Variants in GAD1 observed in about 807,000 individuals in gnomAD.
GAD1 encodes 67 kDa glutamic acid decarboxylase.
GAD1 carries 35 observed loss-of-function variants against 75.2 expected under a neutral mutation model. That is an observed-to-expected ratio of 0.47 (90% CI 0.36 to 0.62). The LOEUF (loss-of-function observed/expected upper bound fraction) is 0.62, where lower values mean the gene tolerates loss of function less well. Among genes scored for constraint, GAD1 ranks in the 20% least tolerant of loss-of-function variants. The pLI, the probability that GAD1 is intolerant of heterozygous loss-of-function variation, is 0.00. For missense variants in GAD1, 490 were observed against 758.5 expected (o/e 0.65, Z 4.16); for synonymous variants, 257 against 271.9 (o/e 0.95, Z 0.54).
rs183268131 is a variant in GAD1 at position 170,821,840 on chromosome 2, G to T, written c.83-247G>T. 5.1e-4 allele frequency: 274 copies of T among 536,538 alleles called. 2 individuals carry two copies. Among genetic ancestry groups the T allele is most frequent in the East Asian group, 3.2e-5 (1 of 31,094 alleles). The allele number at this position is 536,538 out of a possible 1,614,324, so 33.2% of individuals were successfully genotyped here. A position where few individuals can be genotyped will look rare whatever the true frequency, so the allele number is the denominator to read the frequency against. ...TCGCTTACGGGCCCGGAGGGGCGCC[G>T]GGTGCCCCGCCTCTCAGAGACACCG... is the stretch of plus-strand genomic sequence containing the variant. On this transcript the variant is annotated intron_variant, in intron 2 of 16. Coordinates refer to ENST00000358196, the MANE Select transcript of GAD1 (RefSeq NM_000817.3).
intron 7 of GAD1, among the ~76,000 whole-genome samples, chr2:170,844,701 T>C (rs1702594989): frequency 6.6e-6 from 1 of 152,212 alleles, no homozygotes; most frequent in African/African-American, 2.4e-5. Flanking sequence ...TCAGCCAAAA[T>C]AGTATATCTA....
rs200092679 is a variant in GAD1 at position 170,829,580 on chromosome 2, G to A, written c.251G>A (p.Arg84Gln). Reference protein sequence around the residue: ...KNLLSCENSDRDARFRRTETD... With the variant: ...KNLLSCENSDQDARFRRTETD... Reference sequence around the variant, plus strand: ...CTGCTTTCCTGTGAAAACAGCGACCGGGATGCCCGCTTCCGGCGCACAGAG... The same window carrying A: ...CTGCTTTCCTGTGAAAACAGCGACCAGGATGCCCGCTTCCGGCGCACAGAG... Residue 84 changes from arginine to glutamine, a missense_variant, in exon 4 of 17, where the codon CGG becomes CAG. Physicochemically the swap from Arg to Gln is conservative, Grantham distance 43 (BLOSUM62 1). Around this residue, in one of 3 missense-constraint regions of GAD1, gnomAD observed 165 missense variants for 216.4 expected, o/e 0.76. Coordinates refer to ENST00000358196, the MANE Select transcript of GAD1 (RefSeq NM_000817.3). 2.0e-5 allele frequency: 33 copies of A among 1,613,864 alleles called. No individual in the cohort carries two copies. The African/African-American group carries it at 2.5e-4, about 12-fold the overall frequency.
chr2:170,851,455 T>G (rs1702741980), intron 12 of GAD1, among the ~76,000 whole-genome samples: 2 of 152,232 alleles, frequency 1.3e-5, no homozygotes, highest in African/African-American at 2.4e-5. Flanking sequence ...TATTATACAC[T>G]GAAGGGAAAA....
chr2:170,840,593 C>T (rs1184769716), intron 6 of GAD1, among the ~76,000 whole-genome samples: 1 of 137,264 alleles, frequency 7.3e-6, no homozygotes, highest in Non-Finnish European at 1.5e-5. Context: ...CTCCGGTGTT[C>T]CAGAACTCAG....
chr2:170,847,235 T>C (rs1241258407), intron 10 of GAD1, among the ~76,000 whole-genome samples: 1 of 152,222 alleles, frequency 6.6e-6, no homozygotes, highest in East Asian at 1.9e-4. Flanking sequence ...AAAAGAATGA[T>C]GCACAGGTGA....
chr2:170,844,307 C>T (rs570691657), intron 7 of GAD1, 150 bp downstream of exon 7: 1 of 626,410 alleles, frequency 1.6e-6, no homozygotes, highest in South Asian at 1.7e-5. Flanking sequence ...AAAAATGCTA[C>T]ATTCTATATG....
At chr2:170,854,856 A>G (rs1702819898) in intron 14 of GAD1, among the ~76,000 whole-genome samples, 2 of 152,232 alleles carry the variant, frequency 1.3e-5, no homozygotes, top group African/African-American at 4.8e-5. Context: ...AGATGGTAGC[A>G]TGCTGTGTCT....
At chr2:170,833,825 C>G (rs1454520014) in intron 5 of GAD1, among the ~76,000 whole-genome samples, 3 of 152,114 alleles carry the variant, frequency 2.0e-5, no homozygotes, top group Admixed American at 1.3e-4. Context: ...CTGGGCAAAA[C>G]CCCATCTCTA....
At chr2:170,846,874 G>T (rs1024036418) in intron 10 of GAD1, among the ~76,000 whole-genome samples, 5 of 152,102 alleles carry the variant, frequency 3.3e-5, no homozygotes, top group African/African-American at 1.2e-4. Context: ...CAGGTGTGGT[G>T]GTGCACGCCT....
At chr2:170,833,401 C>A (rs1216641911) in intron 5 of GAD1, among the ~76,000 whole-genome samples, 1 of 152,214 alleles carries the variant, frequency 6.6e-6, no homozygotes, top group Non-Finnish European at 1.5e-5. Flanking sequence ...TAAAGAAAAG[C>A]ACTCTATCAA....
rs751408796 is a variant in GAD1, at chr2:170,845,639, T to C, written c.867+18T>C. The C allele has an allele frequency of 2.1e-5, 34 of 1,613,334 alleles. No homozygotes were observed. The highest frequency in any genetic ancestry group is 2.9e-5 in the Non-Finnish European group (34 of 1,179,282). On this transcript the variant is annotated intron_variant, in intron 8 of 16. Transcript: ENST00000358196. Reference sequence around the variant, plus strand: ...CAGAACAGGTGAGTCGGGGATGCTTTCTCATGGATAGTGGTGTTTTTTAGG... The same window carrying C: ...CAGAACAGGTGAGTCGGGGATGCTTCCTCATGGATAGTGGTGTTTTTTAGG...
intron 11 of GAD1, among the ~76,000 whole-genome samples, chr2:170,848,454 G>T (rs559605453): frequency 6.9e-6 from 1 of 145,394 alleles, no homozygotes; most frequent in Admixed American, 7.1e-5. Context: ...CTGGGATCAC[G>T]CCACATCACT....
chr2:170,848,747 A>G, intron 11 of GAD1: 1 of 519,014 alleles, frequency 1.9e-6, no homozygotes, highest in Non-Finnish European at 3.8e-6. Flanking sequence ...ATGACTAACA[A>G]AGGCTGTGTC....
intron 12 of GAD1, among the ~76,000 whole-genome samples, chr2:170,851,216 T>G (rs909618383): frequency 1.3e-5 from 2 of 152,222 alleles, no homozygotes; most frequent in South Asian, 2.1e-4. Context: ...TTTCCTTTTG[T>G]AGCAGCAAAG....
intron 12 of GAD1, among the ~76,000 whole-genome samples, chr2:170,851,577 G>T (rs749136053): frequency 3.9e-5 from 6 of 152,150 alleles, no homozygotes; most frequent in Non-Finnish European, 7.4e-5. Flanking sequence ...TTCACAACAA[G>T]GGTTTAGCTC....
intron 2 of GAD1, among the ~76,000 whole-genome samples, chr2:170,819,238 G>T (rs1206216398): frequency 6.6e-6 from 1 of 152,068 alleles, no homozygotes; most frequent in Admixed American, 6.5e-5. Flanking sequence ...CGGGAAAGGT[G>T]CATAAAACTG....
chr2:170,818,739 A>G lies in GAD1; in HGVS notation c.82+66A>G. The stretch of plus-strand genomic sequence containing the variant: ...AAGATGGGGGCGCTGGGACGTCGGG[A>G]GGCTGAGCTGGCGGAAAGGGAAGGG... On this transcript the variant is annotated intron_variant, in intron 2 of 16. Transcript: ENST00000358196. This position sits in a 1 kb window ranked among gnomAD's most constrained non-coding sequence, Gnocchi z 5.9. The G allele has an allele frequency of 2.0e-6, 3 of 1,492,028 alleles. No homozygotes were observed. The highest frequency in any genetic ancestry group is 1.7e-4 in the Middle Eastern group (1 of 5,840). The allele number at this position is 1,492,028 out of a possible 1,614,324, so 92.4% of individuals were successfully genotyped here. A position where few individuals can be genotyped will look rare whatever the true frequency, so the allele number is the denominator to read the frequency against.
chr2:170,829,597 C>G lies in GAD1; in HGVS notation c.268C>G (p.Arg90Gly). The change falls in exon 4 of 17, where the codon CGC (arginine) becomes GGC (glycine). Residue 90 changes from arginine (R) to glycine (G), a missense_variant. By Grantham distance (125) the Arg-to-Gly change is moderately radical (BLOSUM62 -2). Around this residue, in one of 3 missense-constraint regions of GAD1, gnomAD observed 165 missense variants for 216.4 expected, o/e 0.76. Coordinates refer to ENST00000358196, the MANE Select transcript of GAD1 (RefSeq NM_000817.3). ...CAGCGACCGGGATGCCCGCTTCCGGCGCACAGAGACTGACTTCTCTAATCT... is the reference window on the plus strand; with the variant it reads ...CAGCGACCGGGATGCCCGCTTCCGGGGCACAGAGACTGACTTCTCTAATCT... ...ENSDRDARFR[R>G]TETDFSNLFA... 2 of 1,613,658 alleles carry G rather than the reference C, an allele frequency of 1.2e-6. No homozygotes were observed. Among genetic ancestry groups the G allele is most frequent in the Non-Finnish European group, 1.7e-6 (2 of 1,180,030 alleles).
intron 11 of GAD1, 78 bp from the exon 12 acceptor site, chr2:170,849,208 G>A: frequency 8.0e-7 from 1 of 1,243,580 alleles, no homozygotes; most frequent in South Asian, 1.2e-5. Flanking sequence ...TCATGTTTTA[G>A]TAGAAGTGAG....
Sources: gnomAD v4.1 joint callset for allele counts (sites outside exome capture counted in the v4.1 genomes callset) on GRCh38, gnomAD v4.1.1 for gene constraint, gnomAD v4.1.1 regional missense constraint, Gnocchi (gnomAD v3.1) non-coding constraint, MANE v1.5 for transcripts, NCBI Gene and HGNC (gene_info 2026-07-23, HGNC 2026-07-21) for gene names.